The following CELF2 variants were observed in gnomAD, a reference collection of about 807,000 sequenced individuals.
CELF2 encodes CUG triplet repeat RNA-binding protein 2.
CELF2 carries 8 observed loss-of-function variants against 62.6 expected under a neutral mutation model. The observed-to-expected ratio is 0.13, with a 90% CI of 0.07 to 0.23. The LOEUF (loss-of-function observed/expected upper bound fraction) is 0.23. CELF2 is among the 10% of genes least tolerant of loss of function. The probability of loss-of-function intolerance (pLI) is 1.00; values close to 1 mark genes in which losing one functional copy is unlikely to be tolerated. For missense variants in CELF2, 333 were observed against 671.0 expected (o/e 0.50, Z 5.56); for synonymous variants, 258 against 250.0 (o/e 1.03, Z -0.30).
chr10:11,191,424 C>G lies in CELF2; in HGVS notation c.271+25742C>G, dbSNP rs552058185. Among the ~76,000 whole-genome samples the G allele has an allele frequency of 1.0e-3, 153 of 152,282 alleles. No homozygotes were observed. Among genetic ancestry groups the G allele is most frequent in the Middle Eastern group, 3.4e-3 (1 of 294 alleles). On this transcript the variant is annotated intron_variant, in intron 2 of 12. Coordinates refer to ENST00000633077, the MANE Select transcript of CELF2 (RefSeq NM_001326342.2). This position sits in a 1 kb window ranked among gnomAD's most constrained non-coding sequence, Gnocchi z 4.1. ...GTGGGAGGTACCCCAGGCAATGAAA[C>G]GGAGAGGTGTCTCCTGGTGTTGCAG...
chr10:11,168,936 GT>G (rs1350459273), intron 2 of CELF2: 1 of 152,250 alleles, frequency 6.6e-6, no homozygotes, highest in Non-Finnish European at 1.5e-5. Flanking sequence ...GGAAAAGTGT[GT>G]TTTATTCAGG....
the CELF2 span, among the ~76,000 whole-genome samples, chr10:10,591,047 G>A: frequency 5.9e-5 from 9 of 152,146 alleles, no homozygotes; most frequent in Middle Eastern, 6.9e-3. Flanking sequence ...TGGTGTTCAC[G>A]AGAATATAAA....
chr10:11,298,750 A>T (rs975294451), intron 9 of CELF2, among the ~76,000 whole-genome samples: 2 of 152,132 alleles, frequency 1.3e-5, no homozygotes, highest in African/African-American at 4.8e-5. Context: ...TAAAAAAACG[A>T]TGTTTAAGTA....
chr10:10,870,440 T>C (rs1487132198), intron 1 of CELF2, among the ~76,000 whole-genome samples: 1 of 152,290 alleles, frequency 6.6e-6, no homozygotes, highest in East Asian at 1.9e-4. Flanking sequence ...TAAGTCTCCA[T>C]AGCAAAGACT....
chr10:11,074,460 T>G (rs1240081159), intron 1 of CELF2, among the ~76,000 whole-genome samples: 1 of 152,232 alleles, frequency 6.6e-6, no homozygotes, highest in Non-Finnish European at 1.5e-5. Context: ...CCTTCCGTTT[T>G]CCAAATATCT....
intron 2 of CELF2, among the ~76,000 whole-genome samples, chr10:11,196,178 C>T (rs1176477892): frequency 6.6e-6 from 1 of 152,130 alleles, no homozygotes; most frequent in African/African-American, 2.4e-5. Flanking sequence ...TCATTTAGAC[C>T]AGTCGTCCCA....
At chr10:11,201,438 T>A (rs1198859412) in intron 2 of CELF2, among the ~76,000 whole-genome samples, 1 of 152,202 alleles carries the variant, frequency 6.6e-6, no homozygotes, top group Admixed American at 6.5e-5. Context: ...TTGTTACTTT[T>A]TTTGTCACCT....
rs1162688119 is a variant in CELF2, at chr10:11,280,324, A to C, written c.841+5204A>C. 6.6e-6 allele frequency among the ~76,000 whole-genome samples: 1 copy of C among 151,980 alleles called. No homozygotes were observed. The highest frequency in any genetic ancestry group is 1.5e-5 in the Non-Finnish European group (1 of 67,990). On this transcript the variant is annotated intron_variant, in intron 8 of 12. Transcript: ENST00000633077. The surrounding 1 kb of genome is among the most constrained non-coding windows in gnomAD (Gnocchi z 7.6). The stretch of plus-strand genomic sequence containing the variant: ...GGCCTGCGCCTGACACCTGTGCCCG[A>C]GAAGCCTAGTCCGGCTAAGAAGGGA...
intron 3 of CELF2, among the ~76,000 whole-genome samples, chr10:11,232,393 TGA>T (rs2069082936): frequency 6.6e-6 from 1 of 152,210 alleles, no homozygotes; most frequent in South Asian, 2.1e-4. Context: ...ACTTTGTCTC[TGA>T]GTCAGATGAC....
the CELF2 span, among the ~76,000 whole-genome samples, chr10:10,745,682 A>AT: frequency 3.3e-5 from 5 of 151,974 alleles, no homozygotes; most frequent in African/African-American, 7.3e-5. Context: ...CTGGTGATGG[A>AT]TTTTTTCCTG....
In CELF2 at chr10:10,903,910, G is replaced by A. The variant is rs143873560; in HGVS notation, c.54-16054G>A. ...TCATGCATGCCTGCATAGCATAAACGACTCACTGATGTGGCTGGACCTGGC... is the reference window on the plus strand; with the variant it reads ...TCATGCATGCCTGCATAGCATAAACAACTCACTGATGTGGCTGGACCTGGC... On this transcript the variant is annotated intron_variant, in intron 1 of 13. Coordinates refer to the CELF2 transcript ENST00000636488. Among the ~76,000 whole-genome samples the A allele has an allele frequency of 3.1e-4, 47 of 152,302 alleles. No individual in the cohort carries two copies. The East Asian group carries it at 6.2e-3, about 20-fold the overall frequency.
chr10:11,121,965 G>T (rs1248142624), intron 1 of CELF2, among the ~76,000 whole-genome samples: 1 of 152,168 alleles, frequency 6.6e-6, no homozygotes, highest in East Asian at 1.9e-4. Context: ...TTGTCCATGT[G>T]TGCCAGATAA....
intron 9 of CELF2, among the ~76,000 whole-genome samples, chr10:11,312,526 G>C (rs1316060940): frequency 6.6e-6 from 1 of 152,218 alleles, no homozygotes; most frequent in Non-Finnish European, 1.5e-5. Flanking sequence ...AAAGAGCAAA[G>C]ATAAGTAACT....
chr10:11,293,302 A>C (rs1227568282), intron 9 of CELF2, among the ~76,000 whole-genome samples: 5 of 152,256 alleles, frequency 3.3e-5, no homozygotes, highest in East Asian at 1.9e-4. Flanking sequence ...CATTATAAAA[A>C]GTATAGTTTA....
chr10:10,653,395 C>G, the CELF2 span, among the ~76,000 whole-genome samples: 1 of 148,348 alleles, frequency 6.7e-6, no homozygotes, highest in Non-Finnish European at 1.5e-5. Context: ...ACTCTCCACC[C>G]CAAATCAACA....
the CELF2 span, among the ~76,000 whole-genome samples, chr10:10,505,041 T>C: frequency 1.5e-3 from 225 of 152,362 alleles, no homozygotes; most frequent in African/African-American, 5.1e-3. Context: ...TTGGCATCTA[T>C]TGATTTTTTC....
Position 11,336,298 on chromosome 10 carries a change from G to C in CELF2, c.*7245G>C, listed in dbSNP as rs1257168789. The stretch of plus-strand genomic sequence containing the variant: ...TTTGCTGTTGTTGTTTTTCATCTCT[G>C]TTGTAGTTCACTATTTTTGCTGTGT... On this transcript the variant is annotated 3_prime_UTR_variant, in exon 13 of 13. Coordinates refer to ENST00000633077, the MANE Select transcript of CELF2 (RefSeq NM_001326342.2). This position sits in a 1 kb window ranked among gnomAD's most constrained non-coding sequence, Gnocchi z 5.4. The C allele has an allele frequency of 6.6e-6, 1 of 152,648 alleles. No individual in the cohort carries two copies. The highest frequency in any genetic ancestry group is 1.9e-4 in the East Asian group (1 of 5,202). 9.5% of individuals were successfully genotyped at this position (152,648 alleles called of 1,614,324 possible).
chr10:10,738,572 T>C, the CELF2 span, among the ~76,000 whole-genome samples: 1 of 152,228 alleles, frequency 6.6e-6, no homozygotes, highest in Admixed American at 6.5e-5. Context: ...TCTTTCCAGC[T>C]TTATTGACCA....
chr10:11,064,908 G>A (rs758151047), intron 1 of CELF2, among the ~76,000 whole-genome samples: 7 of 152,152 alleles, frequency 4.6e-5, no homozygotes, highest in Non-Finnish European at 7.3e-5. Flanking sequence ...GAAAAATACT[G>A]CAAAAGCTTT....
Sources: gnomAD v4.1 joint callset for allele counts (sites outside exome capture counted in the v4.1 genomes callset) on GRCh38, gnomAD v4.1.1 for gene constraint, Gnocchi (gnomAD v3.1) non-coding constraint, MANE v1.5 for transcripts, NCBI Gene and HGNC (gene_info 2026-07-23, HGNC 2026-07-21) for gene names.